Variants in RBFOX1 observed in about 807,000 individuals in gnomAD.
RBFOX1 encodes the protein RNA binding protein fox-1 homolog 1.
A neutral mutation model predicts 57.7 loss-of-function variants in RBFOX1; 8 were observed. The ratio of observed to expected loss-of-function variants is 0.14; its 90% CI spans 0.08 to 0.25. RBFOX1 has a LOEUF of 0.25. RBFOX1 is among the 10% of genes least tolerant of loss of function. The probability of loss-of-function intolerance (pLI) is 1.00; values close to 1 mark genes in which losing one functional copy is unlikely to be tolerated. For synonymous variants in RBFOX1, 326 were observed against 222.4 expected (o/e 1.47, Z -4.15); for missense variants, 611 against 548.5 (o/e 1.11, Z -1.14).
At chr16:7,229,021 A>G (rs1055985082) in intron 4 of RBFOX1, among the ~76,000 whole-genome samples, 1 of 152,186 alleles carries the variant, frequency 6.6e-6, no homozygotes, top group African/African-American at 2.4e-5. Flanking sequence ...CTAAGAAAGA[A>G]CAATGCATAA....
intron 3 of RBFOX1, among the ~76,000 whole-genome samples, chr16:6,952,396 C>T (rs1051541532): frequency 6.6e-6 from 1 of 152,112 alleles, no homozygotes; most frequent in Non-Finnish European, 1.5e-5. Flanking sequence ...CCTGTAATCC[C>T]AGCACTTTGT....
intron 1 of RBFOX1, among the ~76,000 whole-genome samples, chr16:6,295,078 CAA>C (rs1419733096): frequency 6.8e-6 from 1 of 147,118 alleles, no homozygotes; most frequent in Non-Finnish European, 1.5e-5. Flanking sequence ...CCATTTCTGG[CAA>C]AGAGCTCTTA....
At chr16:7,354,425 A>G (rs528301805) in intron 4 of RBFOX1, among the ~76,000 whole-genome samples, 1 of 152,296 alleles carries the variant, frequency 6.6e-6, no homozygotes, top group East Asian at 1.9e-4. Context: ...TCAGGAAATA[A>G]AACAGAGGTT....
At chr16:7,155,243 C>T (rs1345193254) in intron 4 of RBFOX1, among the ~76,000 whole-genome samples, 1 of 151,976 alleles carries the variant, frequency 6.6e-6, no homozygotes, top group Non-Finnish European at 1.5e-5. Context: ...AGAGAGTGAA[C>T]TTCATATCAT....
At chr16:6,554,213 C>A (rs1339024618) in intron 2 of RBFOX1, among the ~76,000 whole-genome samples, 1 of 152,130 alleles carries the variant, frequency 6.6e-6, no homozygotes, top group Non-Finnish European at 1.5e-5. Flanking sequence ...CCCTTTATTT[C>A]CCTACTGAGT....
At chr16:6,652,216 C>G (rs150596958) in intron 2 of RBFOX1, among the ~76,000 whole-genome samples, 1 of 152,034 alleles carries the variant, frequency 6.6e-6, no homozygotes, top group Non-Finnish European at 1.5e-5. Context: ...TTTGGGAGGG[C>G]GAGGCGGGCA....
intron 14 of RBFOX1, among the ~76,000 whole-genome samples, chr16:7,708,706 C>G (rs1164400572): frequency 6.6e-6 from 1 of 152,158 alleles, no homozygotes; most frequent in Non-Finnish European, 1.5e-5. Flanking sequence ...TCTGTGGGTG[C>G]TGGGCTTAAT....
At chr16:7,560,391 A>G (rs2090033948) in intron 5 of RBFOX1, among the ~76,000 whole-genome samples, 1 of 151,718 alleles carries the variant, frequency 6.6e-6, no homozygotes, top group African/African-American at 2.4e-5. Flanking sequence ...ACATGACACA[A>G]TGAGAAACTG....
chr16:6,706,741 G>A (rs938742787), intron 3 of RBFOX1, among the ~76,000 whole-genome samples: 1 of 149,324 alleles, frequency 6.7e-6, no homozygotes, highest in African/African-American at 2.5e-5. Flanking sequence ...AGAGTGTGTG[G>A]CAGAGTTCCA....
chr16:6,804,690 C>T (rs563017216), intron 3 of RBFOX1, among the ~76,000 whole-genome samples: 1 of 152,154 alleles, frequency 6.6e-6, no homozygotes, highest in Admixed American at 6.5e-5. Flanking sequence ...AATAAGAGTG[C>T]TGACCTCACA....
intron 2 of RBFOX1, among the ~76,000 whole-genome samples, chr16:6,622,949 C>A (rs1009385221): frequency 2.6e-5 from 4 of 152,164 alleles, no homozygotes; most frequent in African/African-American, 7.2e-5. Flanking sequence ...TCAGGGTCTT[C>A]TTACTTTAGA....
At chr16:5,278,503 A>T (rs2063195268) in intron 1 of RBFOX1, among the ~76,000 whole-genome samples, 2 of 152,150 alleles carry the variant, frequency 1.3e-5, no homozygotes, top group South Asian at 2.1e-4. Flanking sequence ...TTTACATTTA[A>T]GTCTTTCAGC....
At chr16:7,637,796 T>A (rs981856995) in intron 11 of RBFOX1, among the ~76,000 whole-genome samples, 2 of 152,194 alleles carry the variant, frequency 1.3e-5, no homozygotes, top group Non-Finnish European at 2.9e-5. Flanking sequence ...GCTCCGGGAC[T>A]AGGGTAAGCA....
At chr16:7,428,786 G>C (rs925029381) in intron 4 of RBFOX1, among the ~76,000 whole-genome samples, 1 of 151,870 alleles carries the variant, frequency 6.6e-6, no homozygotes, top group Admixed American at 6.6e-5. Context: ...TTTTGGCTTT[G>C]AGGGCAATTC....
intron 3 of RBFOX1, among the ~76,000 whole-genome samples, chr16:6,946,343 G>A (rs543162890): frequency 1.9e-4 from 29 of 152,324 alleles, no homozygotes; most frequent in African/African-American, 6.5e-4. Flanking sequence ...AGTGGGCCAG[G>A]TCTGGCCAGC....
At chr16:7,107,727 G>C (rs997169931) in intron 4 of RBFOX1, among the ~76,000 whole-genome samples, 1 of 152,088 alleles carries the variant, frequency 6.6e-6, no homozygotes, top group African/African-American at 2.4e-5. Context: ...TGGAATCATA[G>C]AGGAGGTGGA....
At chr16:6,432,795 T>A (rs1245440393) in intron 2 of RBFOX1, among the ~76,000 whole-genome samples, 1 of 152,022 alleles carries the variant, frequency 6.6e-6, no homozygotes, top group Non-Finnish European at 1.5e-5. Flanking sequence ...CTGACTGATG[T>A]GGTGAAACCC....
In RBFOX1 at chr16:6,487,913, G is replaced by A. The variant is rs145713352; in HGVS notation, c.-63-166690G>A. ...CACTAATTAGTAGTCAAAACCAGCC[G>A]CTTTAATGATCTGTAGTTTTTGGTT... On this transcript the variant is annotated intron_variant, in intron 2 of 15. Transcript: ENST00000550418. Among the ~76,000 whole-genome samples the A allele has an allele frequency of 5.6e-3, 855 of 151,514 alleles. 5 individuals are homozygous for A. The highest frequency in any genetic ancestry group is 0.025 in the East Asian group (128 of 5,138).
chr16:5,547,374 A>T (rs893399060), intron 2 of RBFOX1, among the ~76,000 whole-genome samples: 6 of 152,222 alleles, frequency 3.9e-5, no homozygotes, highest in African/African-American at 1.4e-4. Flanking sequence ...TATCAGGTGA[A>T]TGTAGAAAAC....
Sources: allele counts gnomAD v4.1 joint callset (sites outside exome capture counted in the v4.1 genomes callset), GRCh38; gene constraint gnomAD v4.1.1; transcripts MANE v1.5; gene names NCBI Gene and HGNC (gene_info 2026-07-23, HGNC 2026-07-21).